Variants in FUT8 observed in about 807,000 individuals in gnomAD.
FUT8 encodes fucosyltransferase 8.
A neutral mutation model predicts 71.3 loss-of-function variants in FUT8; 29 were observed. The observed-to-expected ratio is 0.41, with a 90% CI of 0.30 to 0.55. FUT8 has a LOEUF of 0.55. Among genes scored for constraint, FUT8 ranks in the 20% least tolerant of loss-of-function variants. The probability of loss-of-function intolerance (pLI) is 0.34; values close to 1 mark genes in which losing one functional copy is unlikely to be tolerated. For synonymous variants in FUT8, 254 were observed against 239.3 expected, an observed-to-expected ratio of 1.06 and a Z score of -0.57; for missense variants, 544 against 702.1, an observed-to-expected ratio of 0.77 and a Z score of 2.55.
At chr14:65,477,180 T>C (rs1172759204) in intron 2 of FUT8, among the ~76,000 whole-genome samples, 2 of 152,194 alleles carry the variant, frequency 1.3e-5, no homozygotes, top group Admixed American at 6.5e-5. Context: ...ACTCCTGACT[T>C]GGTCACTTAA....
rs1555360998 is a variant in FUT8, at chr14:65,439,955, T to TAC, written c.-325-15665_-325-15664insCA. 1.6e-3 allele frequency among the ~76,000 whole-genome samples: 24 copies of TAC among 15,104 alleles called. 3 individuals are homozygous for TAC. The East Asian group carries it at 0.036, about 23-fold the overall frequency. 9.9% of individuals were successfully genotyped at this position (15,104 alleles called of 152,430 possible). On this transcript the variant is annotated intron_variant, in intron 1 of 10. Transcript: ENST00000673929. ...TAAAGAAAATGTGTGTGTGTGTGTG[T>TAC]ATATATATATATATATATATATATA...
chr14:65,587,387 C>G (rs181714937), intron 3 of FUT8, among the ~76,000 whole-genome samples: 3 of 152,000 alleles, frequency 2.0e-5, no homozygotes, highest in African/African-American at 7.3e-5. Flanking sequence ...GGCCAATAGT[C>G]CAAGTCTTTT....
the FUT8 span, among the ~76,000 whole-genome samples, chr14:65,405,404 T>G: frequency 6.6e-6 from 1 of 152,206 alleles, no homozygotes; most frequent in Non-Finnish European, 1.5e-5. Flanking sequence ...ACTGGGAGCT[T>G]ACATATAGTT....
At chr14:65,471,867 G>T (rs1389160153) in intron 2 of FUT8, among the ~76,000 whole-genome samples, 1 of 151,892 alleles carries the variant, frequency 6.6e-6, no homozygotes, top group African/African-American at 2.4e-5. Context: ...CTAGTCAAAA[G>T]ACTTATTACA....
intron 2 of FUT8, among the ~76,000 whole-genome samples, chr14:65,525,774 C>T (rs1883422582): frequency 6.6e-6 from 1 of 152,058 alleles, no homozygotes; most frequent in Non-Finnish European, 1.5e-5. Flanking sequence ...TTTGTTATTA[C>T]TGGTTTCAAA....
chr14:65,688,874 T>G (rs541890411), intron 7 of FUT8, among the ~76,000 whole-genome samples: 5 of 152,216 alleles, frequency 3.3e-5, no homozygotes, highest in Non-Finnish European at 5.9e-5. Flanking sequence ...GGTGAGGGCC[T>G]TCTTCCTGGT....
chr14:65,440,765 G>T (rs2065642680), intron 1 of FUT8, among the ~76,000 whole-genome samples: 1 of 151,890 alleles, frequency 6.6e-6, no homozygotes, highest in Non-Finnish European at 1.5e-5. Context: ...GGTATAATTG[G>T]TAAGTCACAA....
intron 6 of FUT8, among the ~76,000 whole-genome samples, chr14:65,633,597 A>G (rs1486478656): frequency 8.5e-6 from 1 of 117,182 alleles, no homozygotes; most frequent in Non-Finnish European, 1.8e-5. Flanking sequence ...CCGGCCGCCC[A>G]TCGTCTGAGA....
At chr14:65,522,728 C>G (rs899785720) in intron 2 of FUT8, among the ~76,000 whole-genome samples, 1 of 135,476 alleles carries the variant, frequency 7.4e-6, no homozygotes, top group East Asian at 2.6e-4. Flanking sequence ...CCCCCTCCCC[C>G]CACCCCGCAA....
chr14:65,724,293 A>T lies in FUT8; in HGVS notation c.1229A>T (p.Asp410Val). 1 of 1,609,478 alleles carries T rather than the reference A, an allele frequency of 6.2e-7. No individual in the cohort carries two copies. Among genetic ancestry groups the T allele is most frequent in the Non-Finnish European group, 8.5e-7 (1 of 1,178,876 alleles). The change falls in exon 9 of 11, where the codon GAC (aspartate) becomes GTC (valine). Residue 410 changes from aspartate to valine, a missense_variant. Transcript: ENST00000673929. ...AAAAGAGTGTATTTGGCCACAGATG[A>T]CCCTTCTTTATTAAAGGAGGCAAAA... ...DKKRVYLATD[D>V]PSLLKEAKTK...
intron 1 of FUT8, among the ~76,000 whole-genome samples, chr14:65,427,333 G>A (rs2065405227): frequency 6.6e-6 from 1 of 152,136 alleles, no homozygotes; most frequent in South Asian, 2.1e-4. Flanking sequence ...TGGAGCATAT[G>A]GTAGTTCTAT....
At chr14:65,589,716 T>G (rs1001352956) in intron 3 of FUT8, among the ~76,000 whole-genome samples, 1 of 152,170 alleles carries the variant, frequency 6.6e-6, no homozygotes, top group Admixed American at 6.5e-5. Flanking sequence ...AGTGCTGGGA[T>G]TACAGGCCTG....
rs918445105 is a variant in FUT8 at position 65,424,631 on chromosome 14, G to C, written c.-326+11417G>C. On this transcript the variant is annotated intron_variant, in intron 1 of 10. Transcript: ENST00000673929. ...CGGCTCACTGCAACGTCCACCTCTGGTGTTCAGGTGATTCTCCTACCTCAG... is the reference window on the plus strand; with the variant it reads ...CGGCTCACTGCAACGTCCACCTCTGCTGTTCAGGTGATTCTCCTACCTCAG... Among the ~76,000 whole-genome samples, 5 of 149,588 alleles carry C rather than the reference G, an allele frequency of 3.3e-5. 1 individual carries two copies. Among genetic ancestry groups the C allele is most frequent in the Non-Finnish European group, 5.9e-5 (4 of 67,536 alleles).
rs1468121329 is a variant in FUT8 at position 65,584,952 on chromosome 14, C to T, written c.203+23186C>T. 2.0e-5 allele frequency among the ~76,000 whole-genome samples: 3 copies of T among 152,036 alleles called. No homozygotes were observed. In the East Asian group the frequency reaches 5.8e-4, roughly 29 times the overall value. On this transcript the variant is annotated intron_variant, in intron 3 of 10. Coordinates refer to ENST00000673929, the MANE Select transcript of FUT8 (RefSeq NM_001371533.1). ...AATTTCTTAAAATAAGACAATAGTA[C>T]GTATTGCATTTTGGAAATATATATA...
intron 7 of FUT8, among the ~76,000 whole-genome samples, chr14:65,703,273 C>G (rs1454677442): frequency 6.6e-6 from 1 of 152,232 alleles, no homozygotes; most frequent in East Asian, 1.9e-4. Flanking sequence ...GACATCTCCT[C>G]CTTGCCCTGT....
At position 65,651,680 on chromosome 14, in the gene FUT8, C is replaced by G. The variant is rs149036763; in HGVS notation, c.598-17563C>G. On this transcript the variant is annotated intron_variant, in intron 6 of 10. Coordinates refer to ENST00000673929, the MANE Select transcript of FUT8 (RefSeq NM_001371533.1). ...AAACAAATGAAAAAATAGAAAGTGT[C>G]ACCAAAGTAATAGATGATATAAGGG... 1.6e-4 allele frequency among the ~76,000 whole-genome samples: 25 copies of G among 152,138 alleles called. No individual in the cohort carries two copies. The East Asian group carries it at 4.2e-3, about 26-fold the overall frequency.
At position 65,413,447 on chromosome 14, in the gene FUT8, G is replaced by A. The variant is rs1022429157; in HGVS notation, c.-326+233G>A. ...CGCGGGCAGAGGGTGAGGGGCGCCC[G>A]CCTCTCCAGCCGGGACGCGGAGCTG... On this transcript the variant is annotated intron_variant, in intron 1 of 10. Transcript: ENST00000673929. The surrounding 1 kb of genome is among the most constrained non-coding windows in gnomAD (Gnocchi z 4.1). Among the ~76,000 whole-genome samples the A allele has an allele frequency of 6.6e-6, 1 of 151,958 alleles. No individual in the cohort carries two copies. The highest frequency in any genetic ancestry group is 2.4e-5 in the African/African-American group (1 of 41,294).
the FUT8 span, among the ~76,000 whole-genome samples, chr14:65,391,148 A>G: frequency 2.0e-5 from 3 of 152,140 alleles, no homozygotes; most frequent in African/African-American, 4.8e-5. Context: ...GTACATTTTT[A>G]TACTATTTAA....
intron 2 of FUT8, among the ~76,000 whole-genome samples, chr14:65,473,706 T>C (rs1204345130): frequency 6.6e-6 from 1 of 152,222 alleles, no homozygotes; most frequent in Non-Finnish European, 1.5e-5. Context: ...GTAGGCTTAA[T>C]TTGGCATCTT....
Sources: allele counts gnomAD v4.1 joint callset (sites outside exome capture counted in the v4.1 genomes callset), GRCh38; gene constraint gnomAD v4.1.1; non-coding constraint Gnocchi (gnomAD v3.1); transcripts MANE v1.5; gene names NCBI Gene and HGNC (gene_info 2026-07-23, HGNC 2026-07-21).